The following CPSF6 variants were observed in gnomAD, a reference collection of about 807,000 sequenced individuals.
CPSF6 encodes the protein cleavage and polyadenylation specificity factor subunit 6.
Under a neutral mutation model 56.7 loss-of-function variants are expected in CPSF6, and 10 were observed. The observed-to-expected ratio is 0.18, with a 90% CI of 0.11 to 0.30. The LOEUF is 0.30. Ranked by LOEUF, CPSF6 falls within the 10% of genes least tolerant of loss-of-function variation. CPSF6 has a pLI of 1.00. For synonymous variants in CPSF6, 248 were observed against 244.8 expected (o/e 1.01, Z -0.12); for missense variants, 419 against 722.9 (o/e 0.58, Z 4.82).
intron 8 of CPSF6, among the ~76,000 whole-genome samples, chr12:69,260,682 GTA>G (rs1872706801): frequency 6.6e-6 from 1 of 152,108 alleles, no homozygotes; most frequent in Non-Finnish European, 1.5e-5. Context: ...TTCTTCCATA[GTA>G]CTTACCATAA....
intron 9 of CPSF6, among the ~76,000 whole-genome samples, chr12:69,267,816 A>G (rs1873064425): frequency 6.6e-6 from 1 of 151,886 alleles, no homozygotes; most frequent in African/African-American, 2.4e-5. Flanking sequence ...ATAATCAAAC[A>G]AAAGAGTGCA....
At position 69,271,922 on chromosome 12, in the gene CPSF6, C is replaced by G. The variant is rs1485071058; in HGVS notation, c.*2414C>G. 3 of 151,488 alleles carry G rather than the reference C, an allele frequency of 2.0e-5. No individual in the cohort carries two copies. Among genetic ancestry groups the G allele is most frequent in the African/African-American group, 7.3e-5 (3 of 41,346 alleles). The allele number at this position is 151,488 out of a possible 1,614,324, so 9.4% of individuals were successfully genotyped here. The stretch of plus-strand genomic sequence containing the variant: ...GTCTCAGAGACCTTTTCATTTTTTC[C>G]TTAGTTAATAACTGTAGTGGATGTG... On this transcript the variant is annotated 3_prime_UTR_variant, in exon 10 of 10. Transcript: ENST00000435070.
rs199508060 is a variant in CPSF6, at chr12:69,239,655, C to T, written c.9C>T (p.Asp3=). The T allele has an allele frequency of 1.3e-6, 2 of 1,578,182 alleles. No individual in the cohort carries two copies. The highest frequency in any genetic ancestry group is 1.7e-4 in the Middle Eastern group (1 of 5,926). Residue 3 remains aspartate, a synonymous_variant, in exon 1 of 10, where the codon GAC becomes GAT. Transcript: ENST00000435070. ...GCCGAGGCTGAAGGAAGATGGCGGA[C>T]GGCGTGGACCACATAGACATTTACG... MA[D]GVDHIDIYAD... is the part of the protein sequence containing the mutation.
intron 1 of CPSF6, among the ~76,000 whole-genome samples, chr12:69,247,995 T>G (rs1252219044): frequency 1.3e-5 from 2 of 152,234 alleles, no homozygotes; most frequent in Non-Finnish European, 2.9e-5. Context: ...GACCATGGTC[T>G]TAATTAGGAT....
chr12:69,250,979 A>G (rs764256877), intron 1 of CPSF6, 150 bp from the exon 2 acceptor site: 4 of 753,090 alleles, frequency 5.3e-6, no homozygotes, highest in Non-Finnish European at 8.4e-6. Flanking sequence ...TCAAGAATAC[A>G]TCTATTGCAT....
chr12:69,263,745 A>G (rs1021465799), intron 9 of CPSF6, among the ~76,000 whole-genome samples: 1 of 152,070 alleles, frequency 6.6e-6, no homozygotes, highest in Admixed American at 6.5e-5. Context: ...CAGATACGCA[A>G]ATGAAGTCCT....
intron 1 of CPSF6, 76 bp from the exon 2 acceptor site, chr12:69,251,053 G>T: frequency 7.1e-7 from 1 of 1,406,974 alleles, no homozygotes; most frequent in Non-Finnish European, 9.6e-7. Flanking sequence ...AAAACAAAAA[G>T]TTGAATTTGT....
At chr12:69,269,078 A>G (rs566934607) in intron 9 of CPSF6, among the ~76,000 whole-genome samples, 2 of 151,990 alleles carry the variant, frequency 1.3e-5, no homozygotes, top group South Asian at 4.1e-4. Context: ...TGCATTTTAT[A>G]TTTAGTTCAG....
chr12:69,245,078 C>G (rs1196037156), intron 1 of CPSF6, among the ~76,000 whole-genome samples: 1 of 138,680 alleles, frequency 7.2e-6, no homozygotes, highest in East Asian at 2.1e-4. Context: ...GCCAACATGT[C>G]GAAACTCCGT....
rs1872606895 is a variant in CPSF6 at position 69,258,565 on chromosome 12, T to TC, written c.695-24dup. On this transcript the variant is annotated intron_variant, in intron 5 of 9. Coordinates refer to ENST00000435070, the MANE Select transcript of CPSF6 (RefSeq NM_007007.3). This position sits in a 1 kb window ranked among gnomAD's most constrained non-coding sequence, Gnocchi z 4.2. ...ATCTTATTAGTGAAGTGTTTTTTTT[T>TC]CTCTCTTTCTCCTTTGTTTTTTAGC... 2.6e-6 allele frequency: 4 copies of TC among 1,540,604 alleles called. No homozygotes were observed. Among genetic ancestry groups the TC allele is most frequent in the Admixed American group, 2.2e-5 (1 of 44,688 alleles).
intron 1 of CPSF6, among the ~76,000 whole-genome samples, chr12:69,250,604 A>G (rs1011099913): frequency 6.8e-4 from 74 of 108,596 alleles, no homozygotes; most frequent in Non-Finnish European, 8.9e-4. Flanking sequence ...AAAAAAAAAA[A>G]AAAGAAAAAA....
At chr12:69,242,801 A>G (rs1017536405) in intron 1 of CPSF6, among the ~76,000 whole-genome samples, 2 of 152,214 alleles carry the variant, frequency 1.3e-5, no homozygotes, top group Non-Finnish European at 2.9e-5. Flanking sequence ...GGCCAAAACT[A>G]AATAATTTAA....
At chr12:69,244,528 CT>C (rs1245447161) in intron 1 of CPSF6, among the ~76,000 whole-genome samples, 1 of 151,816 alleles carries the variant, frequency 6.6e-6, no homozygotes, top group African/African-American at 2.4e-5. Context: ...TGGGCCTAAA[CT>C]TTTTTCTATT....
At chr12:69,265,772 T>A (rs1336020813) in intron 9 of CPSF6, among the ~76,000 whole-genome samples, 1 of 151,896 alleles carries the variant, frequency 6.6e-6, no homozygotes, top group Non-Finnish European at 1.5e-5. Flanking sequence ...CCGGCTAATT[T>A]TGTAGTTTTA....
At chr12:69,262,049 C>G (rs1872764852) in intron 8 of CPSF6, among the ~76,000 whole-genome samples, 1 of 152,132 alleles carries the variant, frequency 6.6e-6, no homozygotes. Flanking sequence ...AACACGAGTG[C>G]TTTGAAATTT....
At chr12:69,262,640 G>A (rs944553434) in intron 9 of CPSF6, 78 bp downstream of exon 9, 3 of 1,343,698 alleles carry the variant, frequency 2.2e-6, no homozygotes, top group African/African-American at 2.9e-5. Flanking sequence ...TGTTTATACA[G>A]TATATACCTA....
chr12:69,263,111 A>G (rs1872820523), intron 9 of CPSF6, among the ~76,000 whole-genome samples: 1 of 151,820 alleles, frequency 6.6e-6, no homozygotes, highest in Admixed American at 6.6e-5. Flanking sequence ...TTTTTTTAGA[A>G]GAGACACTAT....
At chr12:69,241,925 CA>C (rs57273995) in intron 1 of CPSF6, among the ~76,000 whole-genome samples, 21,121 of 128,730 alleles carry the variant, frequency 0.16, 1,461 homozygotes, top group Non-Finnish European at 0.18. Flanking sequence ...GTTTCTGTAC[CA>C]AAAAAAAAAA....
intron 1 of CPSF6, among the ~76,000 whole-genome samples, chr12:69,246,630 G>T (rs1871923254): frequency 6.6e-6 from 1 of 152,114 alleles, no homozygotes; most frequent in African/African-American, 2.4e-5. Flanking sequence ...AAAAATGTAT[G>T]CATTAGGTTA....
Sources: allele counts gnomAD v4.1 joint callset (sites outside exome capture counted in the v4.1 genomes callset), GRCh38; gene constraint gnomAD v4.1.1; non-coding constraint Gnocchi (gnomAD v3.1); transcripts MANE v1.5; gene names NCBI Gene and HGNC (gene_info 2026-07-23, HGNC 2026-07-21).